The following DDX4 variants were observed in gnomAD, a reference collection of about 807,000 sequenced individuals.
DDX4 encodes probable ATP-dependent RNA helicase DDX4.
In DDX4, 25 loss-of-function variants were observed where a neutral mutation model predicts 100.0. That is an observed-to-expected ratio of 0.25 (90% confidence interval 0.18 to 0.35). The LOEUF (loss-of-function observed/expected upper bound fraction) is 0.35, where lower values mean the gene tolerates loss of function less well. DDX4 is among the 10% of genes least tolerant of loss of function. The probability of loss-of-function intolerance (pLI) is 1.00; values close to 1 mark genes in which losing one functional copy is unlikely to be tolerated. For missense variants in DDX4, 635 were observed against 882.4 expected, an observed-to-expected ratio of 0.72 and a Z score of 3.55; for synonymous variants, 259 against 275.7, an observed-to-expected ratio of 0.94 and a Z score of 0.60.
chr5:55,796,631 TCTAGTCTA>T (rs1742955642), intron 17 of DDX4, among the ~76,000 whole-genome samples: 1 of 152,162 alleles, frequency 6.6e-6, no homozygotes, highest in Admixed American at 6.6e-5. Context: ...GTCGTGTGTT[TCTAGTCTA>T]CTAGAGCTAT....
intron 13 of DDX4, 124 bp downstream of exon 13, chr5:55,785,995 G>C (rs1003945339): frequency 3.4e-6 from 2 of 592,938 alleles, no homozygotes; most frequent in Non-Finnish European, 2.9e-6. Context: ...GTCTTAGGTT[G>C]GAAATTTAGA....
At chr5:55,785,548 T>C in intron 12 of DDX4, 54 bp downstream of exon 12, 1 of 1,411,554 alleles carries the variant, frequency 7.1e-7, no homozygotes, top group South Asian at 1.3e-5. Context: ...TTAATAATGC[T>C]TAAGTATTTT....
chr5:55,796,836 T>C (rs1742988579), intron 17 of DDX4, among the ~76,000 whole-genome samples: 1 of 52,474 alleles, frequency 1.9e-5, no homozygotes, highest in African/African-American at 8.8e-5. Context: ...TTTTTTTTTT[T>C]TTTTTTTTTT....
At chr5:55,787,744 A>G (rs897915571) in intron 14 of DDX4, 102 bp from the exon 15 acceptor site, 44 of 1,251,222 alleles carry the variant, frequency 3.5e-5, no homozygotes, top group African/African-American at 4.5e-5. Context: ...TACCAGTAAG[A>G]TGGAAGTAGA....
chr5:55,808,321 A>G (rs1313433360), intron 18 of DDX4, among the ~76,000 whole-genome samples: 1 of 152,112 alleles, frequency 6.6e-6, no homozygotes, highest in Non-Finnish European at 1.5e-5. Context: ...TCAACTCGTC[A>G]AAGTCATTCT....
At chr5:55,789,086 G>A (rs541972864) in intron 15 of DDX4, among the ~76,000 whole-genome samples, 2 of 152,052 alleles carry the variant, frequency 1.3e-5, no homozygotes, top group Non-Finnish European at 2.9e-5. Context: ...ACAGTTTTCT[G>A]TTTTAAGTAT....
intron 10 of DDX4, 106 bp downstream of exon 10, chr5:55,782,087 AAAGGT>A: frequency 7.6e-7 from 1 of 1,322,538 alleles, no homozygotes; most frequent in Non-Finnish European, 1.1e-6. Flanking sequence ...TTTTGAAGTT[AAAGGT>A]AACTGTTATT....
chr5:55,779,352 T>C (rs1422469410), intron 7 of DDX4, among the ~76,000 whole-genome samples: 1 of 152,202 alleles, frequency 6.6e-6, no homozygotes, highest in Non-Finnish European at 1.5e-5. Context: ...TCTTTAAGTA[T>C]AAATAGTTGC....
At chr5:55,814,779 T>C in intron 19 of DDX4, 122 bp from the exon 20 acceptor site, 5 of 1,121,196 alleles carry the variant, frequency 4.5e-6, no homozygotes, top group Non-Finnish European at 6.3e-6. Flanking sequence ...TGTGAGCCAC[T>C]GCGCCCAGCC....
chr5:55,816,599 T>C lies in DDX4; in HGVS notation c.*59T>C, dbSNP rs1243951175. ...GCAGAGAAGAAAATAGTTTTGATTT[T>C]TGAGTTTTTAACAGAAGTATAAAAC... On this transcript the variant is annotated 3_prime_UTR_variant, in exon 22 of 22. Coordinates refer to ENST00000505374, the MANE Select transcript of DDX4 (RefSeq NM_024415.3). The C allele has an allele frequency of 2.5e-6, 4 of 1,587,634 alleles. No individual in the cohort carries two copies. Among genetic ancestry groups the C allele is most frequent in the Non-Finnish European group, 3.4e-6 (4 of 1,164,466 alleles).
At position 55,792,810 on chromosome 5, in the gene DDX4, T is replaced by A. The variant is rs779813968; in HGVS notation, c.1469+3T>A. On this transcript the variant is annotated splice_donor_region_variant and intron_variant, in intron 17 of 21. Coordinates refer to ENST00000505374, the MANE Select transcript of DDX4 (RefSeq NM_024415.3). ...ACTTTTCCAGAGGAAATTCAAAGGT[T>A]AAGTTTTTTTCTTAAAAATAATTTA... 1 of 1,388,610 alleles carries A rather than the reference T, an allele frequency of 7.2e-7. No individual in the cohort carries two copies. The highest frequency in any genetic ancestry group is 2.1e-5 in the South Asian group (1 of 46,666). The allele number at this position is 1,388,610 out of a possible 1,614,324, so 86.0% of individuals were successfully genotyped here.
In DDX4 at chr5:55,807,430, C is replaced by A. The variant is rs553652384; in HGVS notation, c.1616-6243C>A. Among the ~76,000 whole-genome samples, 399 of 152,288 alleles carry A rather than the reference C, an allele frequency of 2.6e-3. 3 individuals carry two copies. The highest frequency in any genetic ancestry group is 9.2e-3 in the African/African-American group (383 of 41,556). On this transcript the variant is annotated intron_variant, in intron 18 of 21. Transcript: ENST00000505374. Reference sequence around the variant, plus strand: ...TTCTTCCTAGCCTTGATGGTCTTTACAATTTGGCATGTTTTTGCAGTGGCT... The same window carrying A: ...TTCTTCCTAGCCTTGATGGTCTTTAAAATTTGGCATGTTTTTGCAGTGGCT...
At chr5:55,809,800 T>A (rs989905464) in intron 18 of DDX4, among the ~76,000 whole-genome samples, 1 of 152,176 alleles carries the variant, frequency 6.6e-6, no homozygotes, top group Non-Finnish European at 1.5e-5. Context: ...CTGAAGAAGA[T>A]GTTAGATTCA....
chr5:55,768,962 G>T (rs549701706), intron 7 of DDX4, among the ~76,000 whole-genome samples: 2 of 152,126 alleles, frequency 1.3e-5, no homozygotes, highest in South Asian at 4.1e-4. Context: ...ACTTTTTAAC[G>T]GAGTTGTTTG....
chr5:55,747,737 CT>C (rs1279325710), intron 3 of DDX4, among the ~76,000 whole-genome samples: 27 of 152,284 alleles, frequency 1.8e-4, no homozygotes, highest in African/African-American at 6.3e-4. Context: ...TCCCCATTTC[CT>C]CCTCTCCCCT....
chr5:55,754,825 C>G (rs1300778811), intron 3 of DDX4, among the ~76,000 whole-genome samples: 1 of 151,842 alleles, frequency 6.6e-6, no homozygotes, highest in Non-Finnish European at 1.5e-5. Flanking sequence ...GGTTGGTAAG[C>G]TATTGATTAT....
chr5:55,816,662 C>A lies in DDX4; in HGVS notation c.*122C>A. On this transcript the variant is annotated 3_prime_UTR_variant, in exon 22 of 22. Coordinates refer to ENST00000505374, the MANE Select transcript of DDX4 (RefSeq NM_024415.3). ...TAGCTCCTGTCCTTGTATTCTCACT[C>A]CTACACTTAAAAAAAAAATCCTTAC... The A allele has an allele frequency of 1.4e-6, 2 of 1,443,912 alleles. No homozygotes were observed. Among genetic ancestry groups the A allele is most frequent in the Non-Finnish European group, 1.8e-6 (2 of 1,093,688 alleles). 89.4% of individuals were successfully genotyped at this position (1,443,912 alleles called of 1,614,324 possible).
In DDX4 at chr5:55,780,020, G is replaced by A; in HGVS notation, c.451G>A (p.Gly151Ser). ...ASGPYRRGGR[G>S]SFRGCRGGFG... ...AGGGCCATACAGAAGAGGTGGAAGA[G>A]GTAGTTTCCGAGGTTGCCGTGGAGG... Residue 151 changes from glycine to serine, a missense_variant, in exon 8 of 22, where the codon GGT (glycine) becomes AGT (serine). By Grantham distance (56) the Gly-to-Ser change is moderately conservative. Coordinates refer to ENST00000505374, the MANE Select transcript of DDX4 (RefSeq NM_024415.3). 1.2e-6 allele frequency: 2 copies of A among 1,613,962 alleles called. No homozygotes were observed. The highest frequency in any genetic ancestry group is 1.7e-6 in the Non-Finnish European group (2 of 1,179,956).
chr5:55,766,166 T>C (rs138772012), intron 6 of DDX4, among the ~76,000 whole-genome samples: 229 of 152,186 alleles, frequency 1.5e-3, no homozygotes, highest in African/African-American at 5.3e-3. Flanking sequence ...TTGGTATCAT[T>C]ATCTCATTTT....
Sources: allele counts gnomAD v4.1 joint callset (sites outside exome capture counted in the v4.1 genomes callset), GRCh38; gene constraint gnomAD v4.1.1; transcripts MANE v1.5; gene names NCBI Gene and HGNC (gene_info 2026-07-23, HGNC 2026-07-21).